The following DACH1 variants were observed in gnomAD, a reference collection of about 807,000 sequenced individuals.
DACH1 encodes the protein dachshund family transcription factor 1, also known as dachshund homolog 1.
A neutral mutation model predicts 54.2 loss-of-function variants in DACH1; 12 were observed. The ratio of observed to expected loss-of-function variants is 0.22; its 90% CI spans 0.14 to 0.36. The LOEUF is 0.36. Ranked by LOEUF, DACH1 falls within the 10% of genes least tolerant of loss-of-function variation. DACH1 has a pLI of 1.00. For synonymous variants in DACH1, 386 were observed against 366.2 expected (o/e 1.05, Z -0.62); for missense variants, 805 against 929.8 (o/e 0.87, Z 1.75).
intron 8 of DACH1, among the ~76,000 whole-genome samples, chr13:71,476,890 T>G (rs1349416637): frequency 6.6e-6 from 1 of 151,420 alleles, no homozygotes; most frequent in East Asian, 1.9e-4. Flanking sequence ...GATATCAACG[T>G]GACAGACTCA....
At chr13:71,750,392 A>T (rs1476124984) in intron 1 of DACH1, among the ~76,000 whole-genome samples, 1 of 152,232 alleles carries the variant, frequency 6.6e-6, no homozygotes, top group Non-Finnish European at 1.5e-5. Context: ...TAATAAATTC[A>T]CATAGCAAAT....
In DACH1 at chr13:71,716,261, C is replaced by G. The variant is rs574197274; in HGVS notation, c.849-34351G>C. 2.0e-5 allele frequency among the ~76,000 whole-genome samples: 3 copies of G among 152,144 alleles called. No individual in the cohort carries two copies. In the South Asian group the frequency reaches 6.2e-4, roughly 32 times the overall value. ...TGCTCCTGCCTTCTCTCAGGTCCTC[C>G]TGTGTTCCTGTAGTGTTTGATACTG... On this transcript the variant is annotated intron_variant, in intron 1 of 10. Transcript: ENST00000613252.
intron 3 of DACH1, among the ~76,000 whole-genome samples, chr13:71,616,482 C>A (rs1307700579): frequency 6.6e-6 from 1 of 152,076 alleles, no homozygotes; most frequent in Non-Finnish European, 1.5e-5. Flanking sequence ...TGTGGTGGCT[C>A]ACATCAGTAA....
At chr13:71,703,731 C>T (rs987388589) in intron 1 of DACH1, among the ~76,000 whole-genome samples, 1 of 152,118 alleles carries the variant, frequency 6.6e-6, no homozygotes, top group Non-Finnish European at 1.5e-5. Context: ...GAGTAGACCC[C>T]TAATCACAGC....
At chr13:71,861,454 T>C (rs183213311) in intron 1 of DACH1, among the ~76,000 whole-genome samples, 1 of 152,152 alleles carries the variant, frequency 6.6e-6, no homozygotes, top group Admixed American at 6.5e-5. Context: ...CAACAACTTA[T>C]ATCCTGCAGT....
chr13:71,458,935 C>CTTTTG, intron 10 of DACH1, among the ~76,000 whole-genome samples: 1 of 151,568 alleles, frequency 6.6e-6, no homozygotes, highest in South Asian at 2.1e-4. Context: ...AAGGATATGT[C>CTTTTG]TTTTGTTTTG....
At position 71,439,981 on chromosome 13, in the gene DACH1, G is replaced by A. The variant is rs1012568004; in HGVS notation, c.*674C>T. 1.7e-4 allele frequency: 26 copies of A among 151,608 alleles called. No individual in the cohort carries two copies. The highest frequency in any genetic ancestry group is 6.3e-4 in the African/African-American group (26 of 41,242). 9.4% of individuals were successfully genotyped at this position (151,608 alleles called of 1,614,324 possible). A position where few individuals can be genotyped will look rare whatever the true frequency, so the allele number is the denominator to read the frequency against. ...TTTTTAAGAAAAAAAAACCTTCAGT[G>A]AAAGCTTTTGGCTTATATTCAATGC... On this transcript the variant is annotated 3_prime_UTR_variant, in exon 11 of 11. Transcript: ENST00000613252.
chr13:71,471,923 G>A (rs1877119546), intron 10 of DACH1, among the ~76,000 whole-genome samples: 2 of 152,080 alleles, frequency 1.3e-5, no homozygotes, highest in Non-Finnish European at 2.9e-5. Context: ...GGGGCCAGAG[G>A]GGTTTTGAGG....
At chr13:71,700,310 C>A (rs1376867615) in intron 1 of DACH1, among the ~76,000 whole-genome samples, 2 of 152,062 alleles carry the variant, frequency 1.3e-5, no homozygotes, top group Non-Finnish European at 2.9e-5. Context: ...ATAATCCCAG[C>A]ACTTTGGGAG....
intron 1 of DACH1, among the ~76,000 whole-genome samples, chr13:71,833,007 A>G (rs1464384693): frequency 6.6e-6 from 1 of 151,980 alleles, no homozygotes; most frequent in East Asian, 1.9e-4. Context: ...AATGAAATCC[A>G]TATAGCTTCA....
At position 71,438,583 on chromosome 13, in the gene DACH1, CTATT is replaced by C. The variant is rs1453361018; in HGVS notation, c.*2068_*2071del. ...AGGTCTTCAAATATGTATTTTAAAA[CTATT>C]TAATCCACATAACAAACAGGTGACT... is the stretch of plus-strand genomic sequence containing the variant. On this transcript the variant is annotated 3_prime_UTR_variant, in exon 11 of 11. Transcript: ENST00000613252. 6 of 46,414 alleles carry C rather than the reference CTATT, an allele frequency of 1.3e-4. No homozygotes were observed. Among genetic ancestry groups the C allele is most frequent in the African/African-American group, 2.8e-4 (6 of 21,556 alleles). The allele number at this position is 46,414 out of a possible 1,614,324, so 2.9% of individuals were successfully genotyped here. A position where few individuals can be genotyped will look rare whatever the true frequency, so the allele number is the denominator to read the frequency against.
intron 1 of DACH1, among the ~76,000 whole-genome samples, chr13:71,806,027 G>A (rs908333787): frequency 3.9e-5 from 6 of 152,144 alleles, no homozygotes; most frequent in Admixed American, 2.6e-4. Context: ...GGCTAGTCTC[G>A]AACTCCCGAC....
chr13:71,621,728 T>C (rs1307458802), intron 3 of DACH1, among the ~76,000 whole-genome samples: 1 of 152,022 alleles, frequency 6.6e-6, no homozygotes, highest in Non-Finnish European at 1.5e-5. Context: ...GAAATACAAA[T>C]AGAGCTAAAG....
At chr13:71,766,337 G>A (rs1052304291) in intron 1 of DACH1, among the ~76,000 whole-genome samples, 1 of 152,048 alleles carries the variant, frequency 6.6e-6, no homozygotes, top group Non-Finnish European at 1.5e-5. Context: ...AATTCCAATG[G>A]CCGGGCTTCA....
rs1370808564 is a variant in DACH1, at chr13:71,675,059, GT to G, written c.964+6735del. 3 of 1,363,650 alleles carry G rather than the reference GT, an allele frequency of 2.2e-6. No homozygotes were observed. The Admixed American group carries it at 5.1e-5, about 23-fold the overall frequency. The allele number at this position is 1,363,650 out of a possible 1,614,324, so 84.5% of individuals were successfully genotyped here. A position where few individuals can be genotyped will look rare whatever the true frequency, so the allele number is the denominator to read the frequency against. On this transcript the variant is annotated intron_variant, in intron 2 of 10. Coordinates refer to ENST00000613252, the MANE Select transcript of DACH1 (RefSeq NM_080759.6). ...AAGGGGGGTAAGTAAGGAGGTCTCTGTACCACGGCTCGTACAAAGCAGACTG... is the reference window on the plus strand; with the variant it reads ...AAGGGGGGTAAGTAAGGAGGTCTCTGACCACGGCTCGTACAAAGCAGACTG...
chr13:71,845,776 C>T (rs781779632), intron 1 of DACH1, among the ~76,000 whole-genome samples: 8 of 152,164 alleles, frequency 5.3e-5, no homozygotes, highest in Non-Finnish European at 1.0e-4. Flanking sequence ...CACTGAGGAC[C>T]ACTATCTGAA....
At chr13:71,821,078 T>C (rs1594263032) in intron 1 of DACH1, among the ~76,000 whole-genome samples, 1 of 152,168 alleles carries the variant, frequency 6.6e-6, no homozygotes, top group Non-Finnish European at 1.5e-5. Flanking sequence ...TAAGTGGACA[T>C]GGTAGGAGGT....
intron 1 of DACH1, among the ~76,000 whole-genome samples, chr13:71,791,800 G>T (rs936327206): frequency 1.3e-5 from 2 of 152,170 alleles, no homozygotes; most frequent in African/African-American, 4.8e-5. Flanking sequence ...TTTGATGACT[G>T]CCCAACTACA....
chr13:71,552,918 C>A (rs1048577116), intron 6 of DACH1, among the ~76,000 whole-genome samples: 1 of 142,364 alleles, frequency 7.0e-6, no homozygotes, highest in African/African-American at 2.6e-5. Flanking sequence ...TGGTAGCTCA[C>A]GCCCTGTAAT....
Sources: gnomAD v4.1 joint callset for allele counts (sites outside exome capture counted in the v4.1 genomes callset) on GRCh38, gnomAD v4.1.1 for gene constraint, MANE v1.5 for transcripts, NCBI Gene and HGNC (gene_info 2026-07-23, HGNC 2026-07-21) for gene names.